Variants in RAD50 observed in about 807,000 individuals in gnomAD.
RAD50 encodes DNA repair protein RAD50.
Under a neutral mutation model 168.8 loss-of-function variants are expected in RAD50, and 132 were observed. The ratio of observed to expected loss-of-function variants is 0.78; its 90% CI spans 0.68 to 0.90. The LOEUF (loss-of-function observed/expected upper bound fraction) is 0.90, where lower values mean the gene tolerates loss of function less well. Among genes scored for constraint, RAD50 ranks in the 40% least tolerant of loss-of-function variants. RAD50 has a pLI of 0.00. For synonymous variants in RAD50, 525 were observed against 497.4 expected, an observed-to-expected ratio of 1.06 and a Z score of -0.74; for missense variants, 1,347 against 1,534.4, an observed-to-expected ratio of 0.88 and a Z score of 2.04.
intron 16 of RAD50, among the ~76,000 whole-genome samples, chr5:132,606,818 T>C (rs1042628013): frequency 1.3e-5 from 2 of 152,056 alleles, no homozygotes; most frequent in Non-Finnish European, 2.9e-5. Context: ...GTTCAACATA[T>C]GCAAATCAAT....
intron 1 of RAD50, among the ~76,000 whole-genome samples, chr5:132,558,636 G>C (rs1750059336): frequency 1.3e-5 from 2 of 151,384 alleles, no homozygotes; most frequent in South Asian, 4.2e-4. Context: ...GCTTGAACCG[G>C]GGAGGTGGAG....
chr5:132,592,305 G>A lies in RAD50; in HGVS notation c.1793+271G>A, dbSNP rs560212363. ...TTTAGTTCAGTCCTAAAGAACTGAG[G>A]GTCCTGGGAATTTAACCATGTCAGT... On this transcript the variant is annotated intron_variant, in intron 11 of 24. Coordinates refer to ENST00000378823, the MANE Select transcript of RAD50 (RefSeq NM_005732.4). 3.5e-4 allele frequency among the ~76,000 whole-genome samples: 54 copies of A among 152,252 alleles called. 2 individuals are homozygous for A. The South Asian group carries it at 1.0e-2, about 28-fold the overall frequency.
chr5:132,594,980 C>T lies in RAD50; in HGVS notation c.1905C>T (p.Ser635=). 6.2e-7 allele frequency: 1 copy of T among 1,613,602 alleles called. No individual in the cohort carries two copies. Among genetic ancestry groups the T allele is most frequent in the South Asian group, 1.1e-5 (1 of 91,060 alleles). Residue 635 remains serine (S), a synonymous_variant, in exon 12 of 25, where the codon AGC becomes AGT. Transcript: ENST00000378823. ...ACAAGCTGTTTGATGTTTGTGGTAG[C>T]CAGGATTTTGAAAGTGATTTAGACA... is the stretch of plus-strand genomic sequence containing the variant. The part of the protein sequence containing the change: ...YEDKLFDVCG[S]QDFESDLDRL...
chr5:132,613,594 C>CTTTTTTTTT (rs869151568), intron 19 of RAD50, among the ~76,000 whole-genome samples: 2 of 111,160 alleles, frequency 1.8e-5, no homozygotes, highest in African/African-American at 7.4e-5. Flanking sequence ...TCACAATAGT[C>CTTTTTTTTT]TTTTTTTTTT....
chr5:132,595,054 CT>C lies in RAD50; in HGVS notation c.1969+11del. ...TCATCAAAACAGCGAGGTAAGTTGT[CT>C]ACTTTATATTATCAGGATACTTTGA... On this transcript the variant is annotated intron_variant, in intron 12 of 24. Coordinates refer to ENST00000378823, the MANE Select transcript of RAD50 (RefSeq NM_005732.4). 6.2e-7 allele frequency: 1 copy of C among 1,602,222 alleles called. No homozygotes were observed.
intron 23 of RAD50, among the ~76,000 whole-genome samples, chr5:132,638,848 C>T (rs1056038525): frequency 2.6e-5 from 4 of 152,158 alleles, no homozygotes; most frequent in Non-Finnish European, 5.9e-5. Flanking sequence ...AGGAATATGG[C>T]ATCCTTGGGG....
chr5:132,594,219 T>G (rs1034496040), intron 11 of RAD50, among the ~76,000 whole-genome samples: 65 of 152,198 alleles, frequency 4.3e-4, no homozygotes, highest in African/African-American at 1.5e-3. Flanking sequence ...TCCAATATAT[T>G]ACCGTCTATT....
At chr5:132,602,545 CT>C (rs962836282) in intron 13 of RAD50, among the ~76,000 whole-genome samples, 10 of 151,938 alleles carry the variant, frequency 6.6e-5, no homozygotes, top group African/African-American at 1.9e-4. Flanking sequence ...GGCTTCCTTC[CT>C]TTTTTTCCTG....
At chr5:132,637,229 C>A in intron 22 of RAD50, 29 bp downstream of exon 22, 1 of 1,602,940 alleles carries the variant, frequency 6.2e-7, no homozygotes, top group Non-Finnish European at 8.5e-7. Flanking sequence ...CACAAATGCT[C>A]TTTCCAAAGC....
chr5:132,586,551 ATTTGT>A (rs1444977731), intron 5 of RAD50, among the ~76,000 whole-genome samples: 1 of 152,238 alleles, frequency 6.6e-6, no homozygotes, highest in Admixed American at 6.5e-5. Flanking sequence ...TTTTAGGTTC[ATTTGT>A]ATATGAACGT....
intron 21 of RAD50, among the ~76,000 whole-genome samples, chr5:132,621,443 G>C (rs1205491617): frequency 6.6e-6 from 1 of 151,982 alleles, no homozygotes; most frequent in African/African-American, 2.4e-5. Context: ...TAATTATTGT[G>C]GTGGTTTCAT....
chr5:132,606,317 A>G (rs1054951021), intron 16 of RAD50, among the ~76,000 whole-genome samples: 1 of 152,226 alleles, frequency 6.6e-6, no homozygotes, highest in African/African-American at 2.4e-5. Flanking sequence ...CAGAAATACA[A>G]ACTACCATCA....
Position 132,640,804 on chromosome 5 carries a change from GAGTA to G in RAD50, c.3752+4_3752+7del. 6.2e-7 allele frequency: 1 copy of G among 1,613,206 alleles called. No homozygotes were observed. Among genetic ancestry groups the G allele is most frequent in the Admixed American group, 1.7e-5 (1 of 59,954 alleles). ...TGAATCTCTTGCACATGCTCTGGTT[GAGTA>G]AGTATCTCTTGCACATGCTCTGGTT... On this transcript the variant is annotated splice_donor_variant and splice_donor_region_variant and coding_sequence_variant and intron_variant, in exon 24 of 25. Coordinates refer to ENST00000378823, the MANE Select transcript of RAD50 (RefSeq NM_005732.4). LOFTEE classifies it high-confidence loss of function.
Position 132,642,340 on chromosome 5 carries a change from C to T in RAD50, c.3915C>T (p.Ser1305=), listed in dbSNP as rs1183659259. Residue 1305 remains serine, a synonymous_variant, in exon 25 of 25, where the codon AGC becomes AGT. Transcript: ENST00000378823. ...QCSEIVKCSV[S]SLGFNVH The stretch of plus-strand genomic sequence containing the variant: ...CAGAGATTGTGAAATGCAGTGTTAG[C>T]TCCCTGGGATTCAATGTTCATTAAA... 4 of 1,613,716 alleles carry T rather than the reference C, an allele frequency of 2.5e-6. No individual in the cohort carries two copies. In the Admixed American group the frequency reaches 5.0e-5, roughly 20 times the overall value.
intron 5 of RAD50, among the ~76,000 whole-genome samples, chr5:132,583,642 T>C (rs1750543766): frequency 6.6e-6 from 1 of 152,114 alleles, no homozygotes; most frequent in East Asian, 1.9e-4. Flanking sequence ...ATGCAGACTT[T>C]TGTGTCTGGG....
intron 21 of RAD50, among the ~76,000 whole-genome samples, chr5:132,635,162 C>T (rs1751556078): frequency 6.6e-6 from 1 of 152,172 alleles, no homozygotes; most frequent in Non-Finnish European, 1.5e-5. Flanking sequence ...ATCCTAGCCA[C>T]TTTTCTCTGA....
chr5:132,592,678 C>G, intron 11 of RAD50: 1 of 338,458 alleles, frequency 3.0e-6, no homozygotes, highest in Non-Finnish European at 6.2e-6. Flanking sequence ...TTGCCATGAC[C>G]TTTGCTCTTA....
rs972589531 is a variant in RAD50 at position 132,645,566 on chromosome 5, A to C, written c.*3202A>C. ...AAATTATCTTAGTTTGGGTTCTCCCAGAAGCAGAGCGTAAAACAATGCTTC... is the reference window on the plus strand; with the variant it reads ...AAATTATCTTAGTTTGGGTTCTCCCCGAAGCAGAGCGTAAAACAATGCTTC... On this transcript the variant is annotated 3_prime_UTR_variant, in exon 25 of 25. Transcript: ENST00000378823. 3 of 152,244 alleles carry C rather than the reference A, an allele frequency of 2.0e-5. No homozygotes were observed. The highest frequency in any genetic ancestry group is 4.4e-5 in the Non-Finnish European group (3 of 68,048). The allele number at this position is 152,244 out of a possible 1,614,324, so 9.4% of individuals were successfully genotyped here. A position where few individuals can be genotyped will look rare whatever the true frequency, so the allele number is the denominator to read the frequency against.
At chr5:132,619,988 T>G (rs1166447438) in intron 21 of RAD50, among the ~76,000 whole-genome samples, 1 of 150,658 alleles carries the variant, frequency 6.6e-6, no homozygotes. Flanking sequence ...CACTGCAAGC[T>G]CTGCCTCCCA....
Sources: gnomAD v4.1 joint callset for allele counts (sites outside exome capture counted in the v4.1 genomes callset) on GRCh38, gnomAD v4.1.1 for gene constraint, MANE v1.5 for transcripts, NCBI Gene and HGNC (gene_info 2026-07-23, HGNC 2026-07-21) for gene names.